TMEM132B: variants seen among roughly 807,000 people sequenced by gnomAD.
The protein encoded by TMEM132B is transmembrane protein 132B.
TMEM132B carries 18 observed loss-of-function variants against 90.8 expected under a neutral mutation model. The observed-to-expected ratio is 0.20, with a 90% CI of 0.14 to 0.29. The LOEUF is 0.29. TMEM132B is among the 10% of genes least tolerant of loss of function. The pLI, the probability that TMEM132B is intolerant of heterozygous loss-of-function variation, is 1.00. For missense variants in TMEM132B, 1,096 were observed against 1,326.8 expected, an observed-to-expected ratio of 0.83 and a Z score of 2.70; for synonymous variants, 504 against 523.3, an observed-to-expected ratio of 0.96 and a Z score of 0.50.
At chr12:125,422,168 A>G (rs946167044) in intron 3 of TMEM132B, among the ~76,000 whole-genome samples, 1 of 152,222 alleles carries the variant, frequency 6.6e-6, no homozygotes, top group Admixed American at 6.5e-5. Context: ...GGTGAATACA[A>G]TTTTAAAAAT....
chr12:125,566,835 C>CA (rs1884668834), intron 4 of TMEM132B, among the ~76,000 whole-genome samples: 1 of 78,738 alleles, frequency 1.3e-5, no homozygotes, highest in Non-Finnish European at 2.2e-5. Flanking sequence ...TCTTCTTCTT[C>CA]TTTTTTTTTT....
chr12:125,610,080 A>G (rs950959139), intron 5 of TMEM132B, among the ~76,000 whole-genome samples: 1 of 151,244 alleles, frequency 6.6e-6, no homozygotes, highest in Non-Finnish European at 1.5e-5. Context: ...TTGTATATTG[A>G]TCTTGTATCT....
chr12:125,502,477 T>C (rs1341454310), intron 3 of TMEM132B, among the ~76,000 whole-genome samples: 1 of 152,238 alleles, frequency 6.6e-6, no homozygotes, highest in East Asian at 1.9e-4. Context: ...CAGAGATTCA[T>C]GCTAGTAACT....
At chr12:125,494,310 A>ATG (rs1882456400) in intron 3 of TMEM132B, among the ~76,000 whole-genome samples, 1 of 18,612 alleles carries the variant, frequency 5.4e-5, no homozygotes, top group Non-Finnish European at 1.0e-4. Context: ...GGAAATGGCC[A>ATG]CGCCCCTCCT....
intron 3 of TMEM132B, among the ~76,000 whole-genome samples, chr12:125,471,030 G>A (rs956871961): frequency 2.6e-5 from 4 of 152,232 alleles, no homozygotes; most frequent in Non-Finnish European, 4.4e-5. Flanking sequence ...TGGGACAGCC[G>A]GGAGCTGGCC....
At chr12:125,385,151 T>C (rs1330262691) in intron 2 of TMEM132B, among the ~76,000 whole-genome samples, 1 of 152,354 alleles carries the variant, frequency 6.6e-6, no homozygotes, top group African/African-American at 2.4e-5. Flanking sequence ...TAAAACAAGT[T>C]CCTAACATTT....
chr12:125,368,831 T>G (rs1878210056), intron 2 of TMEM132B, among the ~76,000 whole-genome samples: 1 of 152,198 alleles, frequency 6.6e-6, no homozygotes, highest in Non-Finnish European at 1.5e-5. Flanking sequence ...ATTCAATTTG[T>G]TCCATGACAG....
In TMEM132B at chr12:125,427,441, C is replaced by T. The variant is rs930429979; in HGVS notation, c.1106+11764C>T. Among the ~76,000 whole-genome samples, 3 of 152,208 alleles carry T rather than the reference C, an allele frequency of 2.0e-5. No homozygotes were observed. In the South Asian group the frequency reaches 6.2e-4, roughly 32 times the overall value. ...AGGACTGGTGGACCTGGGATTTGAA[C>T]CCAGGCTTCAAGGCTCCAGAGCAGT... is the stretch of plus-strand genomic sequence containing the variant. On this transcript the variant is annotated intron_variant, in intron 3 of 8. Transcript: ENST00000682704.
chr12:125,515,199 C>G (rs1318761416), intron 3 of TMEM132B, among the ~76,000 whole-genome samples: 1 of 139,964 alleles, frequency 7.1e-6, no homozygotes, highest in Non-Finnish European at 1.5e-5. Flanking sequence ...CTCTCTCATG[C>G]ACACTCAAAC....
At chr12:125,503,598 T>C (rs1820381094) in intron 3 of TMEM132B, among the ~76,000 whole-genome samples, 1 of 152,208 alleles carries the variant, frequency 6.6e-6, no homozygotes, top group South Asian at 2.1e-4. Context: ...GAATCCTGTG[T>C]GAACTCGATG....
chr12:125,305,690 G>C (rs1875939321), intron 1 of TMEM132B, among the ~76,000 whole-genome samples: 1 of 152,146 alleles, frequency 6.6e-6, no homozygotes, highest in South Asian at 2.1e-4. Context: ...GGATGGCAAA[G>C]AAAACCTCCT....
chr12:125,402,254 A>G (rs1305572878), intron 2 of TMEM132B, among the ~76,000 whole-genome samples: 3 of 152,118 alleles, frequency 2.0e-5, no homozygotes, highest in Non-Finnish European at 4.4e-5. Context: ...CAGTGGCGTG[A>G]TCTTGGCTCA....
At chr12:125,352,851 C>T (rs1203342530) in intron 2 of TMEM132B, among the ~76,000 whole-genome samples, 3 of 152,144 alleles carry the variant, frequency 2.0e-5, no homozygotes, top group African/African-American at 4.8e-5. Context: ...CTGGCAGATC[C>T]CAAGTAGGTT....
At chr12:125,243,683 A>G (rs1189304741) in intron 1 of TMEM132B, among the ~76,000 whole-genome samples, 1 of 152,200 alleles carries the variant, frequency 6.6e-6, no homozygotes, top group East Asian at 1.9e-4. Context: ...AGTACCCAAT[A>G]GGTAGTTTTT....
chr12:125,572,840 CT>C (rs1268821033), intron 4 of TMEM132B, among the ~76,000 whole-genome samples: 2 of 152,166 alleles, frequency 1.3e-5, no homozygotes, highest in African/African-American at 4.8e-5. Flanking sequence ...AAGAATCAAT[CT>C]TCCTTTCTTC....
At chr12:125,191,227 G>A (rs1872780615) in intron 1 of TMEM132B, among the ~76,000 whole-genome samples, 1 of 148,700 alleles carries the variant, frequency 6.7e-6, no homozygotes, top group African/African-American at 2.5e-5. Context: ...GGAAGGGGTG[G>A]TGGTGGTGAT....
chr12:125,633,333 A>T (rs1243866674), intron 5 of TMEM132B, among the ~76,000 whole-genome samples: 2 of 152,074 alleles, frequency 1.3e-5, no homozygotes, highest in Admixed American at 1.3e-4. Flanking sequence ...TCTCTGTGTT[A>T]TCTTGAATTT....
chr12:125,654,392 C>T lies in TMEM132B; in HGVS notation c.2934C>T (p.Asp978=), dbSNP rs1171305496. 1.9e-6 allele frequency: 3 copies of T among 1,613,088 alleles called. No homozygotes were observed. The highest frequency in any genetic ancestry group is 2.5e-6 in the Non-Finnish European group (3 of 1,180,042). Residue 978 remains aspartate (D), a synonymous_variant, in exon 9 of 9, where the codon GAC becomes GAT. Coordinates refer to ENST00000682704, the MANE Select transcript of TMEM132B (RefSeq NM_001366854.1). This position sits in a 1 kb window ranked among gnomAD's most constrained non-coding sequence, Gnocchi z 5.8. Reference sequence around the variant, plus strand: ...CAGAGGAGTGCACAACCATGATAGACAGGGGCCTGCAGTTCGAGGAGAGGA... The same window carrying T: ...CAGAGGAGTGCACAACCATGATAGATAGGGGCCTGCAGTTCGAGGAGAGGA... ...LPSEECTTMI[D]RGLQFEERNF...
intron 5 of TMEM132B, among the ~76,000 whole-genome samples, chr12:125,602,203 G>T (rs1158809924): frequency 6.6e-6 from 1 of 152,126 alleles, no homozygotes; most frequent in South Asian, 2.1e-4. Context: ...ACATCGATGT[G>T]AAAATCCTCA....
Sources: allele counts gnomAD v4.1 joint callset (sites outside exome capture counted in the v4.1 genomes callset), GRCh38; gene constraint gnomAD v4.1.1; non-coding constraint Gnocchi (gnomAD v3.1); transcripts MANE v1.5; gene names NCBI Gene and HGNC (gene_info 2026-07-23, HGNC 2026-07-21).